Variants in KCNN2 observed in about 807,000 individuals in gnomAD.
KCNN2 encodes the protein small conductance calcium-activated potassium channel protein 2.
KCNN2 carries 24 observed loss-of-function variants against 55.5 expected under a neutral mutation model. The ratio of observed to expected loss-of-function variants is 0.43; its 90% CI spans 0.31 to 0.61. The LOEUF is 0.61. KCNN2 is among the 20% of genes least tolerant of loss of function. KCNN2 has a pLI of 0.08. For missense variants in KCNN2, 754 were observed against 853.6 expected, an observed-to-expected ratio of 0.88 and a Z score of 1.45; for synonymous variants, 431 against 336.1, an observed-to-expected ratio of 1.28 and a Z score of -3.09.
intron 1 of KCNN2, among the ~76,000 whole-genome samples, chr5:114,158,644 G>C (rs1752693869): frequency 6.6e-6 from 1 of 151,800 alleles, no homozygotes; most frequent in Non-Finnish European, 1.5e-5. Flanking sequence ...AGCATGGAAT[G>C]TTCTTCCATT....
At chr5:114,495,166 C>T (rs1425438279) in intron 7 of KCNN2, among the ~76,000 whole-genome samples, 1 of 152,096 alleles carries the variant, frequency 6.6e-6, no homozygotes, top group Non-Finnish European at 1.5e-5. Flanking sequence ...GAAACATTTT[C>T]CTGTTTTAAC....
intron 7 of KCNN2, among the ~76,000 whole-genome samples, 173 bp from the exon 8 acceptor site, chr5:114,495,722 C>A (rs1348219518): frequency 6.6e-6 from 1 of 152,154 alleles, no homozygotes; most frequent in Non-Finnish European, 1.5e-5. Context: ...GATTATAAAT[C>A]CTGGCATTGA....
intron 2 of KCNN2, among the ~76,000 whole-genome samples, chr5:114,380,801 G>A (rs1219854344): frequency 6.6e-6 from 1 of 152,132 alleles, no homozygotes; most frequent in East Asian, 1.9e-4. Flanking sequence ...TGCCTGGTAG[G>A]ACATGTGGCC....
chr5:114,200,322 C>T (rs1340083336), intron 1 of KCNN2, among the ~76,000 whole-genome samples: 1 of 151,578 alleles, frequency 6.6e-6, no homozygotes, highest in Admixed American at 6.6e-5. Context: ...TTTGTATTTC[C>T]CTCAATGAAT....
chr5:114,324,108 G>T (rs1476999762), intron 2 of KCNN2, among the ~76,000 whole-genome samples: 1 of 152,108 alleles, frequency 6.6e-6, no homozygotes, highest in African/African-American at 2.4e-5. Context: ...CAAAATAATT[G>T]TTAATTTGAC....
chr5:114,451,705 C>G (rs1028947125), intron 3 of KCNN2, among the ~76,000 whole-genome samples: 5 of 151,808 alleles, frequency 3.3e-5, no homozygotes, highest in Admixed American at 6.6e-5. Context: ...GACCATCCTG[C>G]CTAACATGGT....
intron 3 of KCNN2, among the ~76,000 whole-genome samples, chr5:114,440,687 TG>T (rs1158090840): frequency 2.8e-3 from 37 of 13,218 alleles, no homozygotes; most frequent in East Asian, 5.5e-3. Flanking sequence ...GGGGTGGGGG[TG>T]GGGGGGGCTT....
chr5:114,423,460 CAGTA>C (rs1274425685), intron 3 of KCNN2, among the ~76,000 whole-genome samples: 1 of 152,054 alleles, frequency 6.6e-6, no homozygotes, highest in African/African-American at 2.4e-5. Context: ...GCATTGCAAT[CAGTA>C]AGTTAGATTT....
chr5:114,417,317 G>A lies in KCNN2; in HGVS notation c.1637+12461G>A, dbSNP rs181704545. ...GGGAATGAGTATTCTTATATTTATT[G>A]TTGTTATGATAATCTGCCTACTGTG... On this transcript the variant is annotated intron_variant, in intron 3 of 7. Coordinates refer to ENST00000673685, the MANE Select transcript of KCNN2 (RefSeq NM_021614.4). 1.8e-3 allele frequency among the ~76,000 whole-genome samples: 272 copies of A among 152,250 alleles called. 1 individual carries two copies. Among genetic ancestry groups the A allele is most frequent in the African/African-American group, 6.0e-3 (250 of 41,544 alleles).
At chr5:114,366,999 T>C (rs568151536) in intron 2 of KCNN2, among the ~76,000 whole-genome samples, 1 of 152,334 alleles carries the variant, frequency 6.6e-6, no homozygotes, top group South Asian at 2.1e-4. Context: ...TCTCACTGCA[T>C]TCAGGAAAAG....
chr5:114,077,172 T>G (rs1382031312), intron 1 of KCNN2, among the ~76,000 whole-genome samples: 1 of 152,244 alleles, frequency 6.6e-6, no homozygotes. Context: ...CTTGGCAGGC[T>G]CTGCAACGTT....
intron 2 of KCNN2, among the ~76,000 whole-genome samples, chr5:114,282,320 T>A (rs1755640267): frequency 6.6e-6 from 1 of 152,170 alleles, no homozygotes; most frequent in Non-Finnish European, 1.5e-5. Flanking sequence ...TGTTTTAGAA[T>A]GTATTGAAAT....
upstream of KCNN2, among the ~76,000 whole-genome samples, chr5:114,358,899 T>A (rs1267924979): frequency 6.6e-6 from 1 of 152,232 alleles, no homozygotes; most frequent in Non-Finnish European, 1.5e-5. Flanking sequence ...AAAAGAGGAA[T>A]GATGAAAATA....
intron 2 of KCNN2, among the ~76,000 whole-genome samples, chr5:114,335,072 C>T (rs973845527): frequency 6.6e-6 from 1 of 152,082 alleles, no homozygotes; most frequent in Non-Finnish European, 1.5e-5. Flanking sequence ...TACAGGCGCC[C>T]GCCTCCACGC....
chr5:114,448,319 A>G (rs1421780111), intron 3 of KCNN2, among the ~76,000 whole-genome samples: 1 of 152,028 alleles, frequency 6.6e-6, no homozygotes, highest in Non-Finnish European at 1.5e-5. Context: ...TGAAGCCTTT[A>G]TGGAGTAGGG....
At chr5:114,489,794 G>A (rs1436897092) in intron 6 of KCNN2, among the ~76,000 whole-genome samples, 3 of 152,170 alleles carry the variant, frequency 2.0e-5, no homozygotes, top group Non-Finnish European at 2.9e-5. Flanking sequence ...ATTGCCCACT[G>A]TGCAGATCCA....
rs752112892 is a variant in KCNN2 at position 114,496,078 on chromosome 5, A to G, written c.2272A>G (p.Ser758Gly). The change falls in exon 8 of 8, where the codon AGC (serine) becomes GGC (glycine). Residue 758 changes from serine (S) to glycine (G), a missense_variant. Coordinates refer to ENST00000673685, the MANE Select transcript of KCNN2 (RefSeq NM_021614.4). ...AGATTTCATTGAGGCTCAGATGGAG[A>G]GCTACGACAAGCACGTCACTTACAA... The part of the protein sequence containing the change: ...QRDFIEAQME[S>G]YDKHVTYNAE... The G allele has an allele frequency of 1.5e-5, 24 of 1,613,924 alleles. No homozygotes were observed. Among genetic ancestry groups the G allele is most frequent in the Non-Finnish European group, 1.9e-5 (22 of 1,179,990 alleles).
chr5:114,194,342 C>G (rs191606252), intron 1 of KCNN2, among the ~76,000 whole-genome samples: 65 of 152,172 alleles, frequency 4.3e-4, no homozygotes, highest in African/African-American at 1.5e-3. Context: ...TCCAATTTCT[C>G]CACATTTTGC....
At chr5:114,074,234 C>T (rs1717873430) in intron 1 of KCNN2, among the ~76,000 whole-genome samples, 1 of 151,864 alleles carries the variant, frequency 6.6e-6, no homozygotes, top group South Asian at 2.1e-4. Context: ...AAGTATCTCT[C>T]TTGTTACCCA....
Sources: allele counts gnomAD v4.1 joint callset (sites outside exome capture counted in the v4.1 genomes callset), GRCh38; gene constraint gnomAD v4.1.1; transcripts MANE v1.5; gene names NCBI Gene and HGNC (gene_info 2026-07-23, HGNC 2026-07-21).